The following GFPT1 variants were observed in gnomAD, a reference collection of about 807,000 sequenced individuals.
The protein encoded by GFPT1 is glutamine--fructose-6-phosphate transaminase 1, also known as glutamine--fructose-6-phosphate aminotransferase [isomerizing] 1.
Under a neutral mutation model 92.0 loss-of-function variants are expected in GFPT1, and 40 were observed. The ratio of observed to expected loss-of-function variants is 0.43; its 90% CI spans 0.34 to 0.57. The LOEUF (loss-of-function observed/expected upper bound fraction) is 0.57. GFPT1 is among the 20% of genes least tolerant of loss of function. The probability of loss-of-function intolerance (pLI) is 0.02; values close to 1 mark genes in which losing one functional copy is unlikely to be tolerated. For missense variants in GFPT1, 448 were observed against 869.1 expected (o/e 0.52, Z 6.09); for synonymous variants, 269 against 280.6 (o/e 0.96, Z 0.41).
chr2:69,331,200 AACCTTC>A (rs1196668933), intron 15 of GFPT1, among the ~76,000 whole-genome samples: 2 of 152,328 alleles, frequency 1.3e-5, no homozygotes, highest in South Asian at 2.1e-4. Flanking sequence ...CGGGACAATG[AACCTTC>A]ACTACTATTT....
At chr2:69,358,509 G>T in intron 5 of GFPT1, 46 bp from the exon 6 acceptor site, 2 of 1,348,698 alleles carry the variant, frequency 1.5e-6, no homozygotes, top group Non-Finnish European at 2.1e-6. Context: ...AAATATTAAT[G>T]ATAAAAAAAC....
In GFPT1 at chr2:69,347,936, TTAA is replaced by T. The variant is rs150762658; in HGVS notation, c.1009+232_1009+234del. ...TAAAGTATCTTTAAAGTATCAAGTG[TTAA>T]TAACCTTTTTATAATGTTACAAATA... On this transcript the variant is annotated intron_variant, in intron 11 of 19. Transcript: ENST00000357308. 0.011 allele frequency among the ~76,000 whole-genome samples: 1,728 copies of T among 152,302 alleles called. 30 individuals carry two copies. Among genetic ancestry groups the T allele is most frequent in the African/African-American group, 0.039 (1,632 of 41,572 alleles).
intron 5 of GFPT1, 23 bp downstream of exon 5, chr2:69,359,245 T>C (rs768207840): frequency 7.6e-7 from 1 of 1,318,488 alleles, no homozygotes; most frequent in East Asian, 2.3e-5. Flanking sequence ...AAGACTGGGG[T>C]CTTTTGAGGT....
At chr2:69,340,382 C>T (rs1407069457) in intron 13 of GFPT1, among the ~76,000 whole-genome samples, 1 of 152,014 alleles carries the variant, frequency 6.6e-6, no homozygotes, top group Non-Finnish European at 1.5e-5. Flanking sequence ...AATAGAGTAA[C>T]TTAATGCTAT....
rs190726294 is a variant in GFPT1, at chr2:69,352,068, C to T, written c.740-1885G>A. Among the ~76,000 whole-genome samples the T allele has an allele frequency of 3.5e-3, 534 of 151,220 alleles. 3 individuals are homozygous for T. The highest frequency in any genetic ancestry group is 0.013 in the African/African-American group (516 of 41,174). ...CTTGAGGTCAGGAGTTCAAGACCAG[C>T]CTGGCCAACATGGTGAAACCTCGTC... On this transcript the variant is annotated intron_variant, in intron 9 of 19. Transcript: ENST00000357308.
intron 12 of GFPT1, 41 bp from the exon 13 acceptor site, chr2:69,342,290 C>T (rs1410489111): frequency 2.5e-6 from 3 of 1,209,000 alleles, no homozygotes; most frequent in Non-Finnish European, 3.7e-6. Flanking sequence ...TAGCAAAGAA[C>T]CATGTGAACT....
rs1670377781 is a variant in GFPT1 at position 69,320,421 on chromosome 2, AAT to A, written c.*5766_*5767del. On this transcript the variant is annotated 3_prime_UTR_variant, in exon 20 of 20. Transcript: ENST00000357308. ...CTCCCTATACTTATCTCCATTTCAA[AAT>A]ATACAAAGCTGAGTGACAGAGGCAA... 6.6e-6 allele frequency: 1 copy of A among 152,236 alleles called. No homozygotes were observed. Among genetic ancestry groups the A allele is most frequent in the African/African-American group, 2.4e-5 (1 of 41,462 alleles). The allele number at this position is 152,236 out of a possible 1,614,324, so 9.4% of individuals were successfully genotyped here.
chr2:69,336,328 G>A (rs546272957), intron 15 of GFPT1, among the ~76,000 whole-genome samples: 1 of 116,046 alleles, frequency 8.6e-6, no homozygotes, highest in African/African-American at 3.8e-5. Flanking sequence ...AACAGAGTGA[G>A]AGTCTGTCTC....
intron 15 of GFPT1, among the ~76,000 whole-genome samples, chr2:69,333,374 A>C (rs572535668): frequency 6.6e-6 from 1 of 152,318 alleles, no homozygotes; most frequent in East Asian, 1.9e-4. Flanking sequence ...TATTAAACGG[A>C]GCAACTTTAA....
At chr2:69,337,116 G>A (rs1010697845) in intron 15 of GFPT1, among the ~76,000 whole-genome samples, 2 of 141,104 alleles carry the variant, frequency 1.4e-5, no homozygotes, top group African/African-American at 2.7e-5. Context: ...CCAGACTGGA[G>A]TGCAGTGGCA....
Position 69,373,998 on chromosome 2 carries a change from TA to T in GFPT1, c.115+7del. The T allele has an allele frequency of 1.6e-6, 2 of 1,267,224 alleles. No individual in the cohort carries two copies. The highest frequency in any genetic ancestry group is 2.3e-6 in the Non-Finnish European group (2 of 865,972). 78.5% of individuals were successfully genotyped at this position (1,267,224 alleles called of 1,614,324 possible). A position where few individuals can be genotyped will look rare whatever the true frequency, so the allele number is the denominator to read the frequency against. On this transcript the variant is annotated splice_region_variant and intron_variant, in intron 2 of 19. Coordinates refer to ENST00000357308, the MANE Select transcript of GFPT1 (RefSeq NM_001244710.2). ...CATGCAAAATCCATAGTATTTTTTTTAAAGTACCAGCAGAATCATATCCTCT... is the reference window on the plus strand; with the variant it reads ...CATGCAAAATCCATAGTATTTTTTTTAAGTACCAGCAGAATCATATCCTCT...
Position 69,354,758 on chromosome 2 carries a change from C to A in GFPT1, c.606-190G>T, listed in dbSNP as rs193092971. On this transcript the variant is annotated intron_variant, in intron 7 of 19. Coordinates refer to ENST00000357308, the MANE Select transcript of GFPT1 (RefSeq NM_001244710.2). ...TGGGCCAGGTGCAATGGCTCACACC[C>A]GTAATCCCAGCACTTCAGGAGGCCT... 3.5e-3 allele frequency among the ~76,000 whole-genome samples: 533 copies of A among 152,210 alleles called. 3 individuals carry two copies. Among genetic ancestry groups the A allele is most frequent in the African/African-American group, 0.012 (515 of 41,528 alleles).
chr2:69,381,827 T>C (rs557577746), intron 1 of GFPT1, among the ~76,000 whole-genome samples: 103 of 151,530 alleles, frequency 6.8e-4, no homozygotes, highest in Non-Finnish European at 1.1e-3. Flanking sequence ...TGGCTGGGAT[T>C]ACAGGTGTAA....
intron 1 of GFPT1, among the ~76,000 whole-genome samples, chr2:69,382,703 A>C (rs982872271): frequency 4.6e-5 from 7 of 152,096 alleles, no homozygotes; most frequent in Non-Finnish European, 2.9e-5. Context: ...TTCTCAAACT[A>C]TTTCCGCCTC....
At chr2:69,373,601 A>G (rs989236865) in intron 2 of GFPT1, among the ~76,000 whole-genome samples, 3 of 152,232 alleles carry the variant, frequency 2.0e-5, no homozygotes, top group Non-Finnish European at 4.4e-5. Context: ...CTGGGGTGAC[A>G]GAGTGAGACC....
chr2:69,380,546 G>A (rs914836215), intron 1 of GFPT1, among the ~76,000 whole-genome samples: 3 of 152,106 alleles, frequency 2.0e-5, no homozygotes, highest in African/African-American at 7.2e-5. Flanking sequence ...CACTAGTTAA[G>A]TCATGACATC....
At chr2:69,361,513 TCTTAA>T (rs1242753349) in intron 4 of GFPT1, among the ~76,000 whole-genome samples, 1 of 150,708 alleles carries the variant, frequency 6.6e-6, no homozygotes, top group Non-Finnish European at 1.5e-5. Context: ...AATTTAAAGG[TCTTAA>T]CTTAAAGCCA....
intron 1 of GFPT1, among the ~76,000 whole-genome samples, chr2:69,383,267 G>C (rs1672051662): frequency 6.6e-6 from 1 of 152,214 alleles, no homozygotes; most frequent in African/African-American, 2.4e-5. Flanking sequence ...ATCTCCAAGA[G>C]CAGAATTTCC....
intron 3 of GFPT1, among the ~76,000 whole-genome samples, chr2:69,366,306 G>A (rs561821121): frequency 6.6e-6 from 1 of 152,168 alleles, no homozygotes; most frequent in South Asian, 2.1e-4. Context: ...TTATTGCTAT[G>A]ACAATAAGCA....
Sources: gnomAD v4.1 joint callset for allele counts (sites outside exome capture counted in the v4.1 genomes callset) on GRCh38, gnomAD v4.1.1 for gene constraint, MANE v1.5 for transcripts, NCBI Gene and HGNC (gene_info 2026-07-23, HGNC 2026-07-21) for gene names.